Variants in ADGRV1 observed in about 807,000 individuals in gnomAD.
The protein encoded by ADGRV1 is G-protein coupled receptor 98.
A neutral mutation model predicts 596.2 loss-of-function variants in ADGRV1; 359 were observed. The ratio of observed to expected loss-of-function variants is 0.60; its 90% CI spans 0.55 to 0.66. The LOEUF (loss-of-function observed/expected upper bound fraction) is 0.66, where lower values mean the gene tolerates loss of function less well. Among genes scored for constraint, ADGRV1 ranks in the 30% least tolerant of loss-of-function variants. The pLI is 0.00. For synonymous variants in ADGRV1, 2,681 were observed against 2,679.2 expected, an observed-to-expected ratio of 1.00 and a Z score of -0.02; for missense variants, 7,274 against 7,575.6, an observed-to-expected ratio of 0.96 and a Z score of 1.48.
At chr5:91,147,374 G>A (rs936088786) in intron 87 of ADGRV1, among the ~76,000 whole-genome samples, 3 of 152,108 alleles carry the variant, frequency 2.0e-5, no homozygotes, top group African/African-American at 7.2e-5. Flanking sequence ...CATTGGTATG[G>A]TTTGGTTCTA....
intron 1 of ADGRV1, among the ~76,000 whole-genome samples, chr5:90,574,837 TG>T (rs1386347666): frequency 2.0e-5 from 3 of 152,294 alleles, no homozygotes; most frequent in African/African-American, 7.2e-5. Flanking sequence ...CTTGCAGGTG[TG>T]TATCCTTTTC....
intron 71 of ADGRV1, 142 bp downstream of exon 71, chr5:90,803,024 G>T: frequency 1.8e-6 from 1 of 551,272 alleles, no homozygotes; most frequent in Non-Finnish European, 2.9e-6. Flanking sequence ...CAAAGTAGAT[G>T]TAACAGATAT....
intron 83 of ADGRV1, among the ~76,000 whole-genome samples, chr5:90,902,510 T>A (rs1364215417): frequency 6.6e-6 from 1 of 152,116 alleles, no homozygotes; most frequent in East Asian, 1.9e-4. Context: ...AATACCTGTT[T>A]CCATTCATAT....
intron 17 of ADGRV1, among the ~76,000 whole-genome samples, chr5:90,648,721 C>T (rs922648292): frequency 3.9e-5 from 6 of 152,146 alleles, no homozygotes; most frequent in Non-Finnish European, 8.8e-5. Context: ...CTCCTTTTGT[C>T]TTTCTCTGCC....
rs1772700402 is a variant in ADGRV1 at position 90,909,921 on chromosome 5, T to C, written c.17856+46064T>C. Among the ~76,000 whole-genome samples, 3 of 152,078 alleles carry C rather than the reference T, an allele frequency of 2.0e-5. No homozygotes were observed. In the South Asian group the frequency reaches 6.2e-4, roughly 32 times the overall value. On this transcript the variant is annotated intron_variant, in intron 83 of 89. Transcript: ENST00000405460. ...ATATAAAATAAATTAAAAATACAAATGTTTAAATTGTGGATTGACCCAAGT... is the reference window on the plus strand; with the variant it reads ...ATATAAAATAAATTAAAAATACAAACGTTTAAATTGTGGATTGACCCAAGT...
chr5:91,111,210 C>T, intron 87 of ADGRV1, among the ~76,000 whole-genome samples: 1 of 152,124 alleles, frequency 6.6e-6, no homozygotes, highest in Non-Finnish European at 1.5e-5. Context: ...AAATAACAAA[C>T]AGTTCTCTCT....
At chr5:90,864,191 CTG>C (rs1238661352) in intron 83 of ADGRV1, among the ~76,000 whole-genome samples, 2 of 151,992 alleles carry the variant, frequency 1.3e-5, no homozygotes, top group African/African-American at 4.8e-5. Flanking sequence ...TTGAAATATG[CTG>C]TGTTATAAAT....
chr5:91,061,341 T>C (rs1278581097), intron 85 of ADGRV1, among the ~76,000 whole-genome samples: 2 of 152,220 alleles, frequency 1.3e-5, no homozygotes, highest in Non-Finnish European at 2.9e-5. Context: ...TCAGCAGTTT[T>C]ATCAAGTTGC....
At chr5:91,043,280 TA>T (rs1277964942) in intron 85 of ADGRV1, among the ~76,000 whole-genome samples, 1 of 152,206 alleles carries the variant, frequency 6.6e-6, no homozygotes, top group Non-Finnish European at 1.5e-5. Context: ...ACAGTTCTGT[TA>T]AATACTATAT....
intron 86 of ADGRV1, among the ~76,000 whole-genome samples, chr5:91,094,389 G>A (rs1425278627): frequency 2.0e-5 from 3 of 151,600 alleles, no homozygotes; most frequent in African/African-American, 7.3e-5. Context: ...AACCCAGGAG[G>A]CAGATGTTGC....
At chr5:90,931,142 T>C (rs1474083576) in intron 83 of ADGRV1, 1 of 152,122 alleles carries the variant, frequency 6.6e-6, no homozygotes, top group African/African-American at 2.4e-5. Context: ...CAAGCAGCAC[T>C]GGTAAAAGCA....
intron 86 of ADGRV1, among the ~76,000 whole-genome samples, chr5:91,092,099 G>A (rs185791887): frequency 6.6e-6 from 1 of 152,070 alleles, no homozygotes; most frequent in African/African-American, 2.4e-5. Context: ...AATAGAAGAT[G>A]CTGAGATGTC....
chr5:90,819,815 T>C (rs970481307), intron 75 of ADGRV1, among the ~76,000 whole-genome samples: 9 of 152,320 alleles, frequency 5.9e-5, no homozygotes, highest in Admixed American at 5.2e-4. Flanking sequence ...TTACATTTGC[T>C]GAGGAGAGCT....
chr5:90,721,012 C>T lies in ADGRV1; in HGVS notation c.9701C>T (p.Ala3234Val), dbSNP rs760303081. Residue 3234 changes from alanine (A) to valine (V), a missense_variant, in exon 45 of 90, where the codon GCT becomes GTT. By Grantham distance (64) the Ala-to-Val change is moderately conservative. Around this residue, in one of 5 missense-constraint regions of ADGRV1, gnomAD observed 3,643 missense variants for 3,809.2 expected, o/e 0.96. Transcript: ENST00000405460. ...NVSRTNGIDL[A>V]VSVQWETVSE... ...TCTCGAACTAATGGCATTGATTTGG[C>T]TGTGAGTGTGCAGTGGGAGACAGTA... The T allele has an allele frequency of 2.8e-5, 45 of 1,612,528 alleles. No homozygotes were observed. In the East Asian group the frequency reaches 8.9e-4, roughly 32 times the overall value.
At chr5:90,666,900 G>A (rs1266095998) in intron 21 of ADGRV1, among the ~76,000 whole-genome samples, 8 of 151,368 alleles carry the variant, frequency 5.3e-5, no homozygotes, top group Non-Finnish European at 1.2e-4. Context: ...GAAATTCTGG[G>A]TTGAAAATTC....
chr5:90,639,188 G>GA (rs546704418), intron 11 of ADGRV1, among the ~76,000 whole-genome samples: 235 of 152,098 alleles, frequency 1.5e-3, no homozygotes, highest in African/African-American at 5.2e-3. Context: ...TTCATACGAT[G>GA]AAAAAATCAG....
chr5:90,985,587 A>G, intron 85 of ADGRV1, 65 bp downstream of exon 85: 1 of 1,259,004 alleles, frequency 7.9e-7, no homozygotes, highest in South Asian at 1.3e-5. Context: ...CGTTGCCATA[A>G]GAGCTGTGAT....
In ADGRV1 at chr5:90,668,299, G is replaced by T. The variant is rs371681729; in HGVS notation, c.4753-4247G>T. ...TAGGACCCTCTGAGCCAGGTGCGGG[G>T]TATAATCTCGTGGTGCGCCGTTTTT... is the stretch of plus-strand genomic sequence containing the variant. On this transcript the variant is annotated intron_variant, in intron 21 of 89. Coordinates refer to ENST00000405460, the MANE Select transcript of ADGRV1 (RefSeq NM_032119.4). Among the ~76,000 whole-genome samples, 9 of 151,676 alleles carry T rather than the reference G, an allele frequency of 5.9e-5. No individual in the cohort carries two copies. The South Asian group carries it at 1.7e-3, about 28-fold the overall frequency.
intron 87 of ADGRV1, among the ~76,000 whole-genome samples, chr5:91,123,516 A>G (rs1037450174): frequency 6.6e-6 from 1 of 152,318 alleles, no homozygotes; most frequent in African/African-American, 2.4e-5. Flanking sequence ...TGATGAGGGT[A>G]GAGCCCTCAT....
Sources: gnomAD v4.1 joint callset for allele counts (sites outside exome capture counted in the v4.1 genomes callset) on GRCh38, gnomAD v4.1.1 for gene constraint, gnomAD v4.1.1 regional missense constraint, MANE v1.5 for transcripts, NCBI Gene and HGNC (gene_info 2026-07-23, HGNC 2026-07-21) for gene names.